Variants in MAP3K20 observed in about 807,000 individuals in gnomAD.
The protein encoded by MAP3K20 is mitogen-activated protein kinase kinase kinase 20, also known as HCCS-4.
A neutral mutation model predicts 85.7 loss-of-function variants in MAP3K20; 40 were observed. The ratio of observed to expected loss-of-function variants is 0.47; its 90% CI spans 0.36 to 0.61. The LOEUF (loss-of-function observed/expected upper bound fraction) is 0.61. Among genes scored for constraint, MAP3K20 ranks in the 20% least tolerant of loss-of-function variants. MAP3K20 has a pLI of 0.00. For synonymous variants in MAP3K20, 325 were observed against 327.7 expected (o/e 0.99, Z 0.09); for missense variants, 817 against 961.7 (o/e 0.85, Z 1.99).
rs374817211 is a variant in MAP3K20, at chr2:173,190,973, T to A, written c.444+50T>A. 33 of 1,608,458 alleles carry A rather than the reference T, an allele frequency of 2.1e-5. 1 individual carries two copies. In the Admixed American group the frequency reaches 3.9e-4, roughly 19 times the overall value. Reference sequence around the variant, plus strand: ...AAAATTGTTAATTTCAGATGTAGATTTTTGTAACTGATAATCCCTTAATTA... The same window carrying A: ...AAAATTGTTAATTTCAGATGTAGATATTTGTAACTGATAATCCCTTAATTA... On this transcript the variant is annotated intron_variant, in intron 6 of 19. Coordinates refer to ENST00000375213, the MANE Select transcript of MAP3K20 (RefSeq NM_016653.3).
chr2:173,083,415 G>A (rs772765837), intron 1 of MAP3K20, among the ~76,000 whole-genome samples: 3 of 151,556 alleles, frequency 2.0e-5, no homozygotes, highest in Admixed American at 1.3e-4. Context: ...GTGCAGTGGC[G>A]TAATCATAGC....
intron 2 of MAP3K20, among the ~76,000 whole-genome samples, chr2:173,097,065 C>T (rs1687483118): frequency 6.6e-6 from 1 of 152,204 alleles, no homozygotes; most frequent in African/African-American, 2.4e-5. Flanking sequence ...AAGAGTTCAT[C>T]AGCTTGAATG....
chr2:173,172,805 C>CT (rs202047858), intron 3 of MAP3K20, among the ~76,000 whole-genome samples: 4,447 of 145,028 alleles, frequency 0.031, 97 homozygotes, highest in South Asian at 0.057. Context: ...CTTTTCTTTT[C>CT]TTTTTTTTTT....
At chr2:173,173,980 C>A (rs1350454076) in intron 3 of MAP3K20, among the ~76,000 whole-genome samples, 5 of 152,100 alleles carry the variant, frequency 3.3e-5, no homozygotes, top group Admixed American at 2.6e-4. Context: ...AAACTACTTT[C>A]TACAGAGAAG....
Position 173,089,945 on chromosome 2 carries a change from ACATT to A in MAP3K20, c.-34-1049_-34-1046del, listed in dbSNP as rs142763596. ...AAACAAACAAAAAAAAACTTTCATG[ACATT>A]CATAATTACAAGGAGCCTAGGCCAG... On this transcript the variant is annotated intron_variant, in intron 1 of 19. Transcript: ENST00000375213. Among the ~76,000 whole-genome samples, 1,044 of 152,318 alleles carry A rather than the reference ACATT, an allele frequency of 6.9e-3. 4 individuals are homozygous for A. The highest frequency in any genetic ancestry group is 0.023 in the African/African-American group (972 of 41,566).
At chr2:173,102,823 T>G (rs1358936698) in intron 2 of MAP3K20, among the ~76,000 whole-genome samples, 1 of 152,112 alleles carries the variant, frequency 6.6e-6, no homozygotes, top group Non-Finnish European at 1.5e-5. Flanking sequence ...GAATCTACCT[T>G]AAGAAACATA....
At chr2:173,209,925 A>G in intron 10 of MAP3K20, 90 bp downstream of exon 10, 3 of 1,177,196 alleles carry the variant, frequency 2.5e-6, no homozygotes, top group South Asian at 1.2e-5. Flanking sequence ...TCTGAATGAC[A>G]GTCCTGATTT....
intron 2 of MAP3K20, among the ~76,000 whole-genome samples, chr2:173,149,382 G>A (rs554563964): frequency 9.2e-5 from 14 of 152,152 alleles, no homozygotes; most frequent in South Asian, 8.3e-4. Flanking sequence ...TCCAAAGTCT[G>A]GAGCTTAGTT....
At chr2:173,109,625 G>A (rs529239727) in intron 2 of MAP3K20, among the ~76,000 whole-genome samples, 1 of 152,146 alleles carries the variant, frequency 6.6e-6, no homozygotes, top group African/African-American at 2.4e-5. Flanking sequence ...ATCTTAGCAG[G>A]GTCTGCAGAG....
In MAP3K20 at chr2:173,217,246, C is replaced by T. The variant is rs755881907; in HGVS notation, c.983C>T (p.Thr328Ile). The stretch of plus-strand genomic sequence containing the variant: ...CAAAAGCTGACAGAGCAGTCCAACA[C>T]CCCGGTGAGTACCCTCCCCCTTCGC... ...WEQKLTEQSNTPLLPSFEIGA... is the reference protein window; with the variant it reads ...WEQKLTEQSNIPLLPSFEIGA... Residue 328 changes from threonine (T) to isoleucine (I), a missense_variant, in exon 11 of 20, where the codon ACC becomes ATC. Thr to Ile is a moderately conservative substitution (Grantham distance 89, BLOSUM62 -1). Coordinates refer to ENST00000375213, the MANE Select transcript of MAP3K20 (RefSeq NM_016653.3). 7.0e-6 allele frequency: 11 copies of T among 1,574,008 alleles called. No homozygotes were observed. Among genetic ancestry groups the T allele is most frequent in the East Asian group, 4.6e-5 (2 of 43,078 alleles).
chr2:173,128,921 C>CTTTTTT (rs386391866), intron 2 of MAP3K20, among the ~76,000 whole-genome samples: 101 of 116,034 alleles, frequency 8.7e-4, no homozygotes, highest in African/African-American at 1.1e-3. Context: ...GAAATCTTTT[C>CTTTTTT]TTTTTTTTTT....
intron 2 of MAP3K20, among the ~76,000 whole-genome samples, chr2:173,111,886 A>AC (rs1574023884): frequency 6.6e-6 from 1 of 151,784 alleles, no homozygotes; most frequent in East Asian, 1.9e-4. Context: ...CTTTTTGCTT[A>AC]GCTATGCATG....
chr2:173,253,166 T>A (rs909665828), intron 16 of MAP3K20, among the ~76,000 whole-genome samples: 1 of 152,152 alleles, frequency 6.6e-6, no homozygotes, highest in African/African-American at 2.4e-5. Context: ...TTCCTGCCCA[T>A]CAAAGCTACC....
At chr2:173,174,070 T>G (rs1236854992) in intron 3 of MAP3K20, among the ~76,000 whole-genome samples, 2 of 152,220 alleles carry the variant, frequency 1.3e-5, no homozygotes, top group Non-Finnish European at 2.9e-5. Flanking sequence ...ATGAAAGAAT[T>G]AAATGCTTAT....
chr2:173,110,974 G>GAACA (rs1687958750), intron 2 of MAP3K20, among the ~76,000 whole-genome samples: 5 of 152,182 alleles, frequency 3.3e-5, no homozygotes, highest in Admixed American at 1.3e-4. Flanking sequence ...TCAAATGGTA[G>GAACA]TTCTACTTTT....
Position 173,266,697 on chromosome 2 carries a change from A to G in MAP3K20, c.2350A>G (p.Lys784Glu). The change falls in exon 20 of 20, where the codon AAA (lysine) becomes GAA (glutamate). Residue 784 changes from lysine (K) to glutamate (E), a missense_variant. By Grantham distance (56) the Lys-to-Glu change is moderately conservative. This residue lies in a region of MAP3K20 where 454 missense variants were observed against 476.9 expected (regional missense o/e 0.95). Coordinates refer to ENST00000375213, the MANE Select transcript of MAP3K20 (RefSeq NM_016653.3). ...RKKPHRPSPA[K>E]TNKERARGDH... ...AAAGCCCCACAGGCCATCTCCCGCC[A>G]AAACCAATAAAGAGAGAGCCAGAGG... 1 of 1,593,430 alleles carries G rather than the reference A, an allele frequency of 6.3e-7. No homozygotes were observed. The highest frequency in any genetic ancestry group is 8.5e-7 in the Non-Finnish European group (1 of 1,169,858).
intron 2 of MAP3K20, among the ~76,000 whole-genome samples, chr2:173,098,823 A>G (rs1227552175): frequency 1.3e-5 from 2 of 152,174 alleles, no homozygotes; most frequent in African/African-American, 4.8e-5. Context: ...GGTTCTCTCA[A>G]AGTGTGGTCC....
chr2:173,117,399 C>T (rs1315588990), intron 2 of MAP3K20, among the ~76,000 whole-genome samples: 1 of 152,144 alleles, frequency 6.6e-6, no homozygotes, highest in Non-Finnish European at 1.5e-5. Context: ...CTACCTCAGC[C>T]TCCTGAATAG....
intron 14 of MAP3K20, among the ~76,000 whole-genome samples, chr2:173,236,235 T>TA (rs1684643781): frequency 8.7e-6 from 1 of 114,312 alleles, no homozygotes; most frequent in African/African-American, 3.4e-5. Flanking sequence ...ACCACTGCAC[T>TA]ACAGCCTGGG....
Sources: allele counts gnomAD v4.1 joint callset (sites outside exome capture counted in the v4.1 genomes callset), GRCh38; gene constraint gnomAD v4.1.1; regional missense constraint gnomAD v4.1.1; transcripts MANE v1.5; gene names NCBI Gene and HGNC (gene_info 2026-07-23, HGNC 2026-07-21).